NUP155: variants seen among roughly 807,000 people sequenced by gnomAD.
NUP155 encodes the protein nuclear pore complex protein Nup155.
NUP155 carries 71 observed loss-of-function variants against 180.4 expected under a neutral mutation model. The ratio of observed to expected loss-of-function variants is 0.39; its 90% CI spans 0.33 to 0.48. NUP155 has a LOEUF of 0.48. NUP155 is among the 20% of genes least tolerant of loss of function. The pLI, the probability that NUP155 is intolerant of heterozygous loss-of-function variation, is 0.91. For synonymous variants in NUP155, 582 were observed against 559.5 expected, an observed-to-expected ratio of 1.04 and a Z score of -0.57; for missense variants, 1,553 against 1,648.9, an observed-to-expected ratio of 0.94 and a Z score of 1.01.
chr5:37,293,375 A>C (rs1401646051), intron 33 of NUP155, among the ~76,000 whole-genome samples: 1 of 149,202 alleles, frequency 6.7e-6, no homozygotes, highest in East Asian at 1.9e-4. Flanking sequence ...CAGAAACTTA[A>C]TTCTAGGTCT....
chr5:37,330,011 A>G, intron 15 of NUP155, 27 bp downstream of exon 15: 1 of 1,517,598 alleles, frequency 6.6e-7, no homozygotes, highest in Non-Finnish European at 9.1e-7. Context: ...AAAAACAAAT[A>G]AATAAACAAG....
At chr5:37,299,975 C>T (rs558841737) in intron 30 of NUP155, among the ~76,000 whole-genome samples, 52 of 150,272 alleles carry the variant, frequency 3.5e-4, no homozygotes, top group Non-Finnish European at 5.6e-4. Flanking sequence ...GCTGAGATCA[C>T]GCCATTGCAC....
intron 4 of NUP155, among the ~76,000 whole-genome samples, chr5:37,353,596 A>C (rs950129447): frequency 2.0e-5 from 3 of 152,180 alleles, no homozygotes; most frequent in African/African-American, 4.8e-5. Flanking sequence ...AAAATAAAAA[A>C]ATAAAAACAT....
At chr5:37,340,975 A>T (rs1745675031) in intron 11 of NUP155, 115 bp downstream of exon 11, 1 of 873,476 alleles carries the variant, frequency 1.1e-6, no homozygotes, top group Non-Finnish European at 1.8e-6. Flanking sequence ...TGACCCTTCT[A>T]GTAGTTCCCA....
At chr5:37,295,172 G>A (rs537781977) in intron 32 of NUP155, among the ~76,000 whole-genome samples, 5 of 151,872 alleles carry the variant, frequency 3.3e-5, no homozygotes, top group African/African-American at 1.2e-4. Flanking sequence ...TCAGCCTGCC[G>A]AGTGCCTGCG....
At position 37,294,020 on chromosome 5, in the gene NUP155, A is replaced by AT. The variant is rs1561762421; in HGVS notation, c.3930+308_3930+309insA. ...GACGCCGTCTCAAAAAAAAAAAAAA[A>AT]AAAAAAAATAAAGCAAATGATGATT... On this transcript the variant is annotated intron_variant, in intron 33 of 34. Transcript: ENST00000231498. 3.9e-5 allele frequency among the ~76,000 whole-genome samples: 3 copies of AT among 76,004 alleles called. 1 individual carries two copies. In the African/African-American group the frequency reaches 1.1e-3, roughly 29 times the overall value. 49.9% of individuals were successfully genotyped at this position (76,004 alleles called of 152,430 possible). A position where few individuals can be genotyped will look rare whatever the true frequency, so the allele number is the denominator to read the frequency against.
intron 11 of NUP155, among the ~76,000 whole-genome samples, chr5:37,339,272 T>C (rs1199354940): frequency 1.3e-5 from 2 of 148,908 alleles, no homozygotes; most frequent in Admixed American, 6.7e-5. Context: ...TGACTGCATA[T>C]TGCACTCCTG....
At chr5:37,338,586 T>C (rs1745506163) in intron 11 of NUP155, among the ~76,000 whole-genome samples, 1 of 151,958 alleles carries the variant, frequency 6.6e-6, no homozygotes, top group African/African-American at 2.4e-5. Flanking sequence ...TTTGTATTTT[T>C]AGTAGAGACG....
chr5:37,294,581 T>A, intron 32 of NUP155, 116 bp from the exon 33 acceptor site: 7 of 1,065,704 alleles, frequency 6.6e-6, no homozygotes, highest in Non-Finnish European at 9.7e-6. Context: ...CCAATTGCAA[T>A]TTTTTGGGGC....
intron 6 of NUP155, 139 bp from the exon 7 acceptor site, chr5:37,350,404 A>G: frequency 1.6e-6 from 1 of 641,394 alleles, no homozygotes. Context: ...ATAATCAACA[A>G]AACGAGACAT....
rs776816367 is a variant in NUP155 at position 37,364,334 on chromosome 5, G to A, written c.208C>T (p.Pro70Ser). 1.2e-6 allele frequency: 2 copies of A among 1,610,860 alleles called. No individual in the cohort carries two copies. Among genetic ancestry groups the A allele is most frequent in the Non-Finnish European group, 1.7e-6 (2 of 1,177,080 alleles). The change falls in exon 2 of 35, where the codon CCT becomes TCT. Residue 70 changes from proline (P) to serine (S), a missense_variant. Transcript: ENST00000231498. ...AGGTTGGGTACGGACAGCAAACCAGGTCCTTGCAAAGGATAATCCATATCT... is the reference window on the plus strand; with the variant it reads ...AGGTTGGGTACGGACAGCAAACCAGATCCTTGCAAAGGATAATCCATATCT... ...MSDMDYPLQGPGLLSVPNLPE... is the reference protein window; with the variant it reads ...MSDMDYPLQGSGLLSVPNLPE...
chr5:37,309,871 A>C (rs1476625266), intron 23 of NUP155, among the ~76,000 whole-genome samples: 1 of 151,978 alleles, frequency 6.6e-6, no homozygotes, highest in African/African-American at 2.4e-5. Flanking sequence ...ACATGGTGAA[A>C]TCCTGTCTCT....
chr5:37,303,046 A>T (rs1039587038), intron 28 of NUP155, 138 bp from the exon 29 acceptor site: 16 of 1,051,974 alleles, frequency 1.5e-5, no homozygotes, highest in African/African-American at 9.7e-5. Context: ...CATTAGATTT[A>T]AAAAAAAATC....
rs1300829983 is a variant in NUP155 at position 37,363,651 on chromosome 5, C to T, written c.392+237G>A. Among the ~76,000 whole-genome samples the T allele has an allele frequency of 2.0e-5, 3 of 152,172 alleles. No individual in the cohort carries two copies. The East Asian group carries it at 5.8e-4, about 29-fold the overall frequency. ...GGCTCCTGCCACTCAAGAATGGCAC[C>T]TAAACCAGCAGCAGCAGTTGGCAGC... On this transcript the variant is annotated intron_variant, in intron 3 of 34. Transcript: ENST00000231498.
At position 37,351,591 on chromosome 5, in the gene NUP155, C is replaced by A. The variant is rs777386486; in HGVS notation, c.557-235G>T. On this transcript the variant is annotated intron_variant, in intron 5 of 34. Transcript: ENST00000231498. ...CCTCCCGAGTAGCTGGGACTACAGGCGCCCGCCACCATGCCCAGCTAATTT... is the reference window on the plus strand; with the variant it reads ...CCTCCCGAGTAGCTGGGACTACAGGAGCCCGCCACCATGCCCAGCTAATTT... 2.0e-5 allele frequency among the ~76,000 whole-genome samples: 3 copies of A among 151,882 alleles called. No homozygotes were observed. In the South Asian group the frequency reaches 6.2e-4, roughly 32 times the overall value.
chr5:37,355,071 G>A (rs1394230056), intron 4 of NUP155, among the ~76,000 whole-genome samples: 6 of 151,072 alleles, frequency 4.0e-5, no homozygotes, highest in African/African-American at 1.5e-4. Context: ...CAGCCTGGGC[G>A]ACAGAATGAG....
At chr5:37,355,265 T>G (rs1581205608) in intron 4 of NUP155, among the ~76,000 whole-genome samples, 1 of 152,074 alleles carries the variant, frequency 6.6e-6, no homozygotes, top group Non-Finnish European at 1.5e-5. Context: ...ACCAGGACTT[T>G]GAGAGGCCAA....
intron 30 of NUP155, 80 bp from the exon 31 acceptor site, chr5:37,299,648 T>G: frequency 7.2e-7 from 1 of 1,396,312 alleles, no homozygotes; most frequent in East Asian, 2.3e-5. Context: ...CCTTGAAAAT[T>G]AAAAAATAAC....
At chr5:37,326,060 G>T in intron 18 of NUP155, 93 bp from the exon 19 acceptor site, 1 of 920,866 alleles carries the variant, frequency 1.1e-6, no homozygotes, top group Non-Finnish European at 1.8e-6. Flanking sequence ...GCTTTATTCA[G>T]TTTTTAAAAC....
Sources: allele counts gnomAD v4.1 joint callset (sites outside exome capture counted in the v4.1 genomes callset), GRCh38; gene constraint gnomAD v4.1.1; transcripts MANE v1.5; gene names NCBI Gene and HGNC (gene_info 2026-07-23, HGNC 2026-07-21).